FBXO36: variants seen among roughly 807,000 people sequenced by gnomAD.
FBXO36 encodes F-box protein 36, also known as F-box only protein 36.
FBXO36 carries 18 observed loss-of-function variants against 17.0 expected under a neutral mutation model. The ratio of observed to expected loss-of-function variants is 1.06; its 90% CI spans 0.73 to 1.57. The LOEUF (loss-of-function observed/expected upper bound fraction) is 1.57. Ranked by LOEUF, FBXO36 falls within the 40% of genes most tolerant of loss-of-function variation. The pLI is 0.00. For missense variants in FBXO36, 229 were observed against 221.9 expected, an observed-to-expected ratio of 1.03 and a Z score of -0.20; for synonymous variants, 83 against 85.3, an observed-to-expected ratio of 0.97 and a Z score of 0.15.
chr2:229,967,042 T>C (rs924775949), intron 1 of FBXO36, among the ~76,000 whole-genome samples: 7 of 152,214 alleles, frequency 4.6e-5, no homozygotes, highest in African/African-American at 1.7e-4. Flanking sequence ...TGGTATCCTC[T>C]TTTATTTCAT....
chr2:229,931,918 A>T lies in FBXO36; in HGVS notation c.96+9309A>T, dbSNP rs375604030. ...TGGTTTTTTGCTTGTATATGTGTAT[A>T]TATTTTTTTTTTTTTTTAGACAGGG... On this transcript the variant is annotated intron_variant, in intron 1 of 3. Transcript: ENST00000283946. Among the ~76,000 whole-genome samples the T allele has an allele frequency of 6.5e-4, 93 of 142,792 alleles. 2 individuals carry two copies. Among genetic ancestry groups the T allele is most frequent in the Middle Eastern group, 3.7e-3 (1 of 272 alleles). The allele number at this position is 142,792 out of a possible 152,430, so 93.7% of individuals were successfully genotyped here.
At chr2:229,994,118 T>C (rs897505620) in intron 2 of FBXO36, among the ~76,000 whole-genome samples, 3 of 152,156 alleles carry the variant, frequency 2.0e-5, no homozygotes, top group South Asian at 2.1e-4. Context: ...TTCTAAAGTA[T>C]ATTTGAGCAT....
intron 1 of FBXO36, among the ~76,000 whole-genome samples, chr2:229,974,342 C>T (rs897945960): frequency 1.3e-5 from 2 of 152,094 alleles, no homozygotes; most frequent in African/African-American, 4.8e-5. Context: ...CTTTAAATAC[C>T]TCGGAAGGGC....
chr2:229,923,847 G>GTTTTTTT (rs71045800), intron 1 of FBXO36, among the ~76,000 whole-genome samples: 35 of 77,694 alleles, frequency 4.5e-4, no homozygotes, highest in South Asian at 1.1e-3. Context: ...TTTTGGTGTT[G>GTTTTTTT]TTTTTTTTTT....
chr2:229,969,255 G>A (rs1480366799), intron 1 of FBXO36, among the ~76,000 whole-genome samples: 1 of 150,182 alleles, frequency 6.7e-6, no homozygotes, highest in Non-Finnish European at 1.5e-5. Flanking sequence ...ACCCTCTGTT[G>A]CCCAGGCTGG....
chr2:229,954,468 C>A (rs2077074467), intron 1 of FBXO36, among the ~76,000 whole-genome samples: 1 of 151,136 alleles, frequency 6.6e-6, no homozygotes. Flanking sequence ...TTCTCAAACT[C>A]CTGACCTCAA....
chr2:229,984,132 G>A (rs2077254969), intron 2 of FBXO36, among the ~76,000 whole-genome samples: 2 of 152,060 alleles, frequency 1.3e-5, no homozygotes, highest in South Asian at 2.1e-4. Context: ...GGTGGATCCC[G>A]AGGTCAAGAG....
At chr2:230,006,200 A>G (rs912448891) in intron 3 of FBXO36, among the ~76,000 whole-genome samples, 1 of 150,758 alleles carries the variant, frequency 6.6e-6, no homozygotes, top group African/African-American at 2.4e-5. Context: ...GGTTCAAGCA[A>G]TTCTCCTGCC....
At chr2:229,939,643 C>T (rs1261146776) in intron 1 of FBXO36, among the ~76,000 whole-genome samples, 1 of 152,094 alleles carries the variant, frequency 6.6e-6, no homozygotes, top group African/African-American at 2.4e-5. Context: ...TGGCATTTGG[C>T]TGGAAAAGTC....
Position 230,012,986 on chromosome 2 carries a change from A to G in FBXO36, c.*2102A>G. The G allele has an allele frequency of 6.6e-6, 1 of 151,028 alleles. No homozygotes were observed. 9.4% of individuals were successfully genotyped at this position (151,028 alleles called of 1,614,324 possible). A position where few individuals can be genotyped will look rare whatever the true frequency, so the allele number is the denominator to read the frequency against. On this transcript the variant is annotated 3_prime_UTR_variant, in exon 4 of 4. Transcript: ENST00000283946. ...ATATACTTATATGTAGTATATAATA[A>G]TATTACATATAAAAATGTTATAAAA...
intron 3 of FBXO36, among the ~76,000 whole-genome samples, chr2:230,003,209 TAAAAAAAA>T (rs397872634): frequency 2.9e-5 from 3 of 104,604 alleles, no homozygotes; most frequent in Non-Finnish European, 5.7e-5. Context: ...GACTCCGTCT[TAAAAAAAA>T]AAAAAAAAAA....
At chr2:229,924,806 T>C (rs1035169616) in intron 1 of FBXO36, among the ~76,000 whole-genome samples, 1 of 151,982 alleles carries the variant, frequency 6.6e-6, no homozygotes, top group Non-Finnish European at 1.5e-5. Flanking sequence ...TCTCGCACTG[T>C]CGCCCAGGCT....
intron 2 of FBXO36, among the ~76,000 whole-genome samples, chr2:229,985,860 G>A (rs940569894): frequency 3.3e-5 from 5 of 151,986 alleles, no homozygotes; most frequent in Non-Finnish European, 5.9e-5. Context: ...ACCAGCCTGG[G>A]CAACATAGTG....
chr2:229,978,386 C>A (rs1365511081), intron 2 of FBXO36, among the ~76,000 whole-genome samples: 1 of 151,936 alleles, frequency 6.6e-6, no homozygotes, highest in Non-Finnish European at 1.5e-5. Context: ...AGTTCAAGAC[C>A]AGCCTGGCCA....
chr2:229,936,534 A>G lies in FBXO36; in HGVS notation c.96+13925A>G, dbSNP rs146829988. On this transcript the variant is annotated intron_variant, in intron 1 of 3. Transcript: ENST00000283946. ...TTATAAGTTCAGATTAATAATATTTACTTATGAAGTTAATGAGAACAAAGG... is the reference window on the plus strand; with the variant it reads ...TTATAAGTTCAGATTAATAATATTTGCTTATGAAGTTAATGAGAACAAAGG... Among the ~76,000 whole-genome samples the G allele has an allele frequency of 5.4e-3, 828 of 152,292 alleles. 8 individuals carry two copies. The highest frequency in any genetic ancestry group is 0.01 in the Middle Eastern group (3 of 294).
rs145282842 is a variant in FBXO36 at position 229,973,139 on chromosome 2, A to G, written c.97-3102A>G. On this transcript the variant is annotated intron_variant, in intron 1 of 3. Transcript: ENST00000283946. ...TTCTTCCAAGTTGGATGTCTTGGTC[A>G]AAGGGTATGGATACCTGAAAGGCTT... Among the ~76,000 whole-genome samples the G allele has an allele frequency of 4.5e-3, 678 of 152,054 alleles. 6 individuals carry two copies. The highest frequency in any genetic ancestry group is 0.015 in the African/African-American group (607 of 41,500).
At chr2:229,981,611 A>AG (rs1369290197) in intron 2 of FBXO36, among the ~76,000 whole-genome samples, 1 of 151,000 alleles carries the variant, frequency 6.6e-6, no homozygotes, top group Admixed American at 6.7e-5. Context: ...CTGAGGTGGA[A>AG]GGATCACCTG....
chr2:229,948,194 A>G (rs2077037452), intron 1 of FBXO36, among the ~76,000 whole-genome samples: 1 of 152,202 alleles, frequency 6.6e-6, no homozygotes, highest in South Asian at 2.1e-4. Flanking sequence ...GCAGAGGAAC[A>G]CTTGTGTCCC....
chr2:229,989,863 G>A (rs551004544), intron 2 of FBXO36, among the ~76,000 whole-genome samples: 197 of 151,708 alleles, frequency 1.3e-3, no homozygotes, highest in African/African-American at 2.7e-3. Flanking sequence ...GTGAGCCACC[G>A]CACCCGGCTC....
Sources: gnomAD v4.1 joint callset for allele counts (sites outside exome capture counted in the v4.1 genomes callset) on GRCh38, gnomAD v4.1.1 for gene constraint, MANE v1.5 for transcripts, NCBI Gene and HGNC (gene_info 2026-07-23, HGNC 2026-07-21) for gene names.